The following DTNA variants were observed in gnomAD, a reference collection of about 807,000 sequenced individuals.
DTNA encodes the protein dystrobrevin alpha.
A neutral mutation model predicts 100.7 loss-of-function variants in DTNA; 43 were observed. That is an observed-to-expected ratio of 0.43 (90% confidence interval 0.33 to 0.55). The LOEUF is 0.55. Ranked by LOEUF, DTNA falls within the 20% of genes least tolerant of loss-of-function variation. DTNA has a pLI of 0.04. For synonymous variants in DTNA, 349 were observed against 347.9 expected (o/e 1.00, Z -0.04); for missense variants, 798 against 953.9 (o/e 0.84, Z 2.15).
chr18:34,592,467 A>C (rs925799013), intron 1 of DTNA, among the ~76,000 whole-genome samples: 2 of 139,436 alleles, frequency 1.4e-5, no homozygotes, highest in East Asian at 2.1e-4. Context: ...ACACTTGTAT[A>C]ACACACACAC....
At chr18:34,689,579 C>T (rs541684014) in intron 1 of DTNA, among the ~76,000 whole-genome samples, 3 of 152,296 alleles carry the variant, frequency 2.0e-5, no homozygotes, top group Admixed American at 6.5e-5. Context: ...AGGTATCTAT[C>T]GAACCCTGCT....
intron 1 of DTNA, among the ~76,000 whole-genome samples, chr18:34,596,162 A>G (rs974206166): frequency 6.6e-6 from 1 of 152,178 alleles, no homozygotes; most frequent in African/African-American, 2.4e-5. Context: ...TCATATGCCA[A>G]ATCTTCACCA....
At chr18:34,753,685 G>A (rs1040568503) in intron 1 of DTNA, among the ~76,000 whole-genome samples, 2 of 152,024 alleles carry the variant, frequency 1.3e-5, no homozygotes, top group South Asian at 2.1e-4. Flanking sequence ...CCCGGCCTGT[G>A]ATTTATTTTT....
intron 1 of DTNA, among the ~76,000 whole-genome samples, chr18:34,675,546 C>G (rs2077302163): frequency 6.6e-6 from 1 of 151,540 alleles, no homozygotes; most frequent in Non-Finnish European, 1.5e-5. Flanking sequence ...GGAAATTGAA[C>G]CAAATATTTA....
In DTNA at chr18:34,669,561, G is replaced by T. The variant is rs182474444; in HGVS notation, c.-1-86415G>T. 1.6e-3 allele frequency among the ~76,000 whole-genome samples: 249 copies of T among 152,274 alleles called. 1 individual carries two copies. Among genetic ancestry groups the T allele is most frequent in the African/African-American group, 5.8e-3 (242 of 41,554 alleles). On this transcript the variant is annotated intron_variant, in intron 1 of 19. Transcript: ENST00000283365. ...ATTTGTCATGTTTTTGCAATGGCTGGTAACAGTTGTCCCTTTCCATGTTTA... is the reference window on the plus strand; with the variant it reads ...ATTTGTCATGTTTTTGCAATGGCTGTTAACAGTTGTCCCTTTCCATGTTTA...
rs1191718400 is a variant in DTNA at position 34,818,175 on chromosome 18, G to C, written c.721G>C (p.Val241Leu). The C allele has an allele frequency of 6.2e-7, 1 of 1,613,810 alleles. No homozygotes were observed. The highest frequency in any genetic ancestry group is 1.3e-5 in the African/African-American group (1 of 74,862). ...TACTTCCCCCTTAGTCTTCCATCCG[G>C]TTGAGTGTTCCTACTGCCACAGTGA... The part of the protein sequence containing the change: ...LANVENVFHP[V>L]ECSYCHSESM... Residue 241 changes from valine (V) to leucine (L), a missense_variant, in exon 8 of 23, where the codon GTT becomes CTT. By Grantham distance (32) the Val-to-Leu change is conservative. Coordinates refer to ENST00000444659, the MANE Select transcript of DTNA (RefSeq NM_001386795.1).
intron 1 of DTNA, among the ~76,000 whole-genome samples, chr18:34,519,029 G>T (rs1348005982): frequency 6.6e-6 from 1 of 152,042 alleles, no homozygotes; most frequent in Non-Finnish European, 1.5e-5. Flanking sequence ...GTATTTATCA[G>T]AGCCTTGCAG....
intron 1 of DTNA, among the ~76,000 whole-genome samples, chr18:34,540,306 C>T (rs1360633702): frequency 2.0e-5 from 3 of 151,912 alleles, no homozygotes; most frequent in Non-Finnish European, 2.9e-5. Flanking sequence ...GAATAGAACA[C>T]AAGCATGCAA....
At chr18:34,772,866 A>C (rs1401934781) in intron 3 of DTNA, among the ~76,000 whole-genome samples, 1 of 152,224 alleles carries the variant, frequency 6.6e-6, no homozygotes, top group East Asian at 1.9e-4. Context: ...TGTGATTCTC[A>C]TGTTGGGATC....
intron 1 of DTNA, among the ~76,000 whole-genome samples, chr18:34,575,582 C>T (rs541782949): frequency 6.6e-6 from 1 of 152,264 alleles, no homozygotes; most frequent in East Asian, 1.9e-4. Context: ...CTCAGTCTTC[C>T]TTTACCTTTG....
At chr18:34,745,944 G>T (rs1473320489) in intron 1 of DTNA, among the ~76,000 whole-genome samples, 1 of 152,142 alleles carries the variant, frequency 6.6e-6, no homozygotes, top group African/African-American at 2.4e-5. Flanking sequence ...ACACCACTTA[G>T]CCAGCTAAAT....
chr18:34,802,762 AT>A (rs1368837193), intron 4 of DTNA, among the ~76,000 whole-genome samples: 2 of 152,132 alleles, frequency 1.3e-5, no homozygotes, highest in Admixed American at 6.5e-5. Context: ...CAGAAACATA[AT>A]TTTTTTGTTA....
intron 1 of DTNA, among the ~76,000 whole-genome samples, chr18:34,622,163 T>A (rs1467977901): frequency 6.6e-6 from 1 of 152,168 alleles, no homozygotes; most frequent in Non-Finnish European, 1.5e-5. Flanking sequence ...AAACCATAAG[T>A]ATGTGAGGCA....
chr18:34,670,160 A>T (rs976025000), intron 1 of DTNA, among the ~76,000 whole-genome samples: 1 of 151,912 alleles, frequency 6.6e-6, no homozygotes, highest in African/African-American at 2.4e-5. Flanking sequence ...TTCTTGCTTC[A>T]TTTCATTCAT....
rs938078547 is a variant in DTNA, at chr18:34,764,746, G to C, written c.68-1215G>C. 6.6e-5 allele frequency among the ~76,000 whole-genome samples: 10 copies of C among 152,132 alleles called. No individual in the cohort carries two copies. In the South Asian group the frequency reaches 8.3e-4, roughly 13 times the overall value. On this transcript the variant is annotated intron_variant, in intron 2 of 22. Transcript: ENST00000444659. ...TGGCCGTCTAATATAATCGCTTCCA[G>C]GATAGTTCATTTACTTTCTATTCTG... is the stretch of plus-strand genomic sequence containing the variant.
In DTNA at chr18:34,889,956, A is replaced by G; in HGVS notation, c.*2222A>G. ...TGGAGCAGGTGGCCACTGGTGCCTC[A>G]TACTCAGTATTGAAAACCACTACAT... is the stretch of plus-strand genomic sequence containing the variant. On this transcript the variant is annotated 3_prime_UTR_variant, in exon 23 of 23. Transcript: ENST00000444659. 2 of 1,087,194 alleles carry G rather than the reference A, an allele frequency of 1.8e-6. No homozygotes were observed. Among genetic ancestry groups the G allele is most frequent in the Non-Finnish European group, 2.2e-6 (2 of 893,160 alleles). The allele number at this position is 1,087,194 out of a possible 1,614,324, so 67.3% of individuals were successfully genotyped here. A position where few individuals can be genotyped will look rare whatever the true frequency, so the allele number is the denominator to read the frequency against.
At chr18:34,715,371 A>G (rs2083821564) in intron 1 of DTNA, among the ~76,000 whole-genome samples, 1 of 152,208 alleles carries the variant, frequency 6.6e-6, no homozygotes, top group African/African-American at 2.4e-5. Flanking sequence ...TGGTATTATT[A>G]GCTGGATATT....
chr18:34,699,046 A>T (rs1221542529), intron 1 of DTNA, among the ~76,000 whole-genome samples: 1 of 151,508 alleles, frequency 6.6e-6, no homozygotes, highest in African/African-American at 2.4e-5. Context: ...ATCTGAAAAG[A>T]CTTTATTTCT....
intron 1 of DTNA, among the ~76,000 whole-genome samples, chr18:34,556,430 T>G (rs1272956190): frequency 6.6e-6 from 1 of 151,350 alleles, no homozygotes; most frequent in Admixed American, 6.6e-5. Context: ...TAGCTGGTGA[T>G]TTTGCTCGTT....
Sources: gnomAD v4.1 joint callset for allele counts (sites outside exome capture counted in the v4.1 genomes callset) on GRCh38, gnomAD v4.1.1 for gene constraint, MANE v1.5 for transcripts, NCBI Gene and HGNC (gene_info 2026-07-23, HGNC 2026-07-21) for gene names.